Variants in AGTPBP1 observed in about 807,000 individuals in gnomAD.
AGTPBP1 encodes ATP/GTP binding carboxypeptidase 1.
Under a neutral mutation model 143.9 loss-of-function variants are expected in AGTPBP1, and 70 were observed. That is an observed-to-expected ratio of 0.49 (90% CI 0.40 to 0.59). AGTPBP1 has a LOEUF of 0.59. Ranked by LOEUF, AGTPBP1 falls within the 20% of genes least tolerant of loss-of-function variation. The pLI is 0.00. For missense variants in AGTPBP1, 1,229 were observed against 1,464.5 expected (o/e 0.84, Z 2.62); for synonymous variants, 463 against 500.2 (o/e 0.93, Z 0.99).
At chr9:85,805,290 C>T in the AGTPBP1 span, 2 of 151,952 alleles carry the variant, frequency 1.3e-5, no homozygotes, top group Non-Finnish European at 2.9e-5. Flanking sequence ...CCGAGGCTCT[C>T]ACGCCGCCCC....
At chr9:85,601,415 T>C (rs1276252079) in intron 17 of AGTPBP1, among the ~76,000 whole-genome samples, 1 of 152,140 alleles carries the variant, frequency 6.6e-6, no homozygotes, top group East Asian at 1.9e-4. Context: ...CCTGGGAGCC[T>C]AGGGATCACT....
intron 1 of AGTPBP1, among the ~76,000 whole-genome samples, chr9:85,739,450 TG>T (rs1208086145): frequency 4.6e-5 from 7 of 152,184 alleles, no homozygotes; most frequent in Admixed American, 2.6e-4. Flanking sequence ...GGCGGACGCC[TG>T]TAATCCCAGG....
At chr9:85,591,357 C>T (rs967482618) in intron 19 of AGTPBP1, among the ~76,000 whole-genome samples, 8 of 151,836 alleles carry the variant, frequency 5.3e-5, no homozygotes, top group Admixed American at 3.3e-4. Context: ...GGGGTGGCAG[C>T]GGGAACTAAT....
At chr9:85,564,214 GA>G (rs1200961634) in intron 25 of AGTPBP1, among the ~76,000 whole-genome samples, 1 of 152,274 alleles carries the variant, frequency 6.6e-6, no homozygotes, top group Non-Finnish European at 1.5e-5. Context: ...CCAGAAGGTG[GA>G]ACGGCAGCCC....
At chr9:85,756,171 G>A in the AGTPBP1 span, 245 of 1,612,458 alleles carry the variant, frequency 1.5e-4, no homozygotes, top group Admixed American at 2.3e-3. Flanking sequence ...TTAAAGAAAC[G>A]GGAGGCCATA....
At chr9:85,780,012 ATTAATT>A in the AGTPBP1 span, among the ~76,000 whole-genome samples, 6 of 152,326 alleles carry the variant, frequency 3.9e-5, no homozygotes, top group South Asian at 8.3e-4. Flanking sequence ...TTATGATCTC[ATTAATT>A]TTAAGTATTT....
At chr9:85,667,778 A>T (rs62569193) in intron 8 of AGTPBP1, among the ~76,000 whole-genome samples, 2,546 of 152,188 alleles carry the variant, frequency 0.017, 25 homozygotes, top group Middle Eastern at 0.055. Context: ...ATCACTGAAG[A>T]CCTTCAACAA....
the AGTPBP1 span, among the ~76,000 whole-genome samples, chr9:85,778,285 T>C: frequency 6.6e-6 from 1 of 152,190 alleles, no homozygotes; most frequent in Admixed American, 6.5e-5. Flanking sequence ...TGACCCATAG[T>C]CAAACGTTCA....
rs1335108603 is a variant in AGTPBP1 at position 85,555,659 on chromosome 9, T to C, written c.3504-8373A>G. Among the ~76,000 whole-genome samples the C allele has an allele frequency of 2.6e-5, 4 of 152,142 alleles. No homozygotes were observed. The East Asian group carries it at 7.7e-4, about 29-fold the overall frequency. On this transcript the variant is annotated intron_variant, in intron 25 of 25. Transcript: ENST00000357081. ...CAATGGAAGCTCAAATTCAATGCAGTGGCATCTTTAAAGTGCCAGCGAGGG... is the reference window on the plus strand; with the variant it reads ...CAATGGAAGCTCAAATTCAATGCAGCGGCATCTTTAAAGTGCCAGCGAGGG...
At chr9:85,588,577 T>C in intron 20 of AGTPBP1, 99 bp from the exon 21 acceptor site, 1 of 1,248,158 alleles carries the variant, frequency 8.0e-7, no homozygotes, top group Non-Finnish European at 1.1e-6. Flanking sequence ...CAATTGTGAA[T>C]TCTAATATAA....
chr9:85,628,398 A>C (rs1831434801), intron 14 of AGTPBP1, among the ~76,000 whole-genome samples: 1 of 152,210 alleles, frequency 6.6e-6, no homozygotes, highest in Non-Finnish European at 1.5e-5. Context: ...TCTTTAAAAC[A>C]CAGGGTATAC....
intron 7 of AGTPBP1, among the ~76,000 whole-genome samples, chr9:85,669,876 T>C (rs1288797722): frequency 6.6e-6 from 1 of 151,286 alleles, no homozygotes; most frequent in Non-Finnish European, 1.5e-5. Context: ...TGAACCTCAC[T>C]GAACACCAGG....
At chr9:85,552,598 A>T (rs1826098295) in intron 25 of AGTPBP1, among the ~76,000 whole-genome samples, 1 of 152,228 alleles carries the variant, frequency 6.6e-6, no homozygotes, top group Non-Finnish European at 1.5e-5. Context: ...TTCTCAGTGT[A>T]AAGCAGAGAT....
intron 25 of AGTPBP1, among the ~76,000 whole-genome samples, chr9:85,567,469 G>A (rs974739535): frequency 1.3e-5 from 2 of 152,142 alleles, no homozygotes; most frequent in African/African-American, 4.8e-5. Flanking sequence ...GTCCATGCCT[G>A]TAATCCCAGC....
chr9:85,749,773 C>T, the AGTPBP1 span, among the ~76,000 whole-genome samples: 1 of 152,032 alleles, frequency 6.6e-6, no homozygotes, highest in East Asian at 1.9e-4. Flanking sequence ...AAGCCTAGCA[C>T]AGTGCCTGGT....
At chr9:85,779,244 T>TA in the AGTPBP1 span, among the ~76,000 whole-genome samples, 10 of 147,664 alleles carry the variant, frequency 6.8e-5, no homozygotes, top group South Asian at 2.1e-3. Context: ...TAGATATAGA[T>TA]ATCTATATAA....
intron 18 of AGTPBP1, among the ~76,000 whole-genome samples, chr9:85,593,732 TG>T (rs1829119042): frequency 6.6e-6 from 1 of 152,214 alleles, no homozygotes; most frequent in Admixed American, 6.5e-5. Context: ...TTGTTGATAC[TG>T]GGTGATGAAT....
chr9:85,779,236 G>GATATAGAT, the AGTPBP1 span, among the ~76,000 whole-genome samples: 7 of 84,962 alleles, frequency 8.2e-5, no homozygotes, highest in African/African-American at 2.6e-4. Flanking sequence ...TATAGATATA[G>GATATAGAT]ATATAGATAT....
At chr9:85,658,401 A>G (rs1341304087) in intron 9 of AGTPBP1, among the ~76,000 whole-genome samples, 1 of 152,132 alleles carries the variant, frequency 6.6e-6, no homozygotes, top group African/African-American at 2.4e-5. Context: ...TATTTTTAAA[A>G]GTATTAGTAT....
Sources: allele counts gnomAD v4.1 joint callset (sites outside exome capture counted in the v4.1 genomes callset), GRCh38; gene constraint gnomAD v4.1.1; transcripts MANE v1.5; gene names NCBI Gene and HGNC (gene_info 2026-07-23, HGNC 2026-07-21).